The following UBXN2A variants were observed in gnomAD, a reference collection of about 807,000 sequenced individuals.
UBXN2A encodes the protein UBX domain-containing protein 2A.
A neutral mutation model predicts 28.4 loss-of-function variants in UBXN2A; 28 were observed. The observed-to-expected ratio is 0.99, with a 90% CI of 0.73 to 1.35. The LOEUF (loss-of-function observed/expected upper bound fraction) is 1.35, where lower values mean the gene tolerates loss of function less well. Ranked by LOEUF, UBXN2A falls within the 40% of genes most tolerant of loss-of-function variation. UBXN2A has a pLI of 0.00. For missense variants in UBXN2A, 253 were observed against 297.9 expected (o/e 0.85, Z 1.11); for synonymous variants, 97 against 103.6 (o/e 0.94, Z 0.39).
intron 6 of UBXN2A, among the ~76,000 whole-genome samples, chr2:23,996,521 G>C (rs1708539470): frequency 6.8e-6 from 1 of 146,868 alleles, no homozygotes; most frequent in Non-Finnish European, 1.5e-5. Flanking sequence ...TTGTTGCCCA[G>C]GCTGGAGTGC....
At chr2:23,946,015 A>C (rs1706060002) in intron 1 of UBXN2A, among the ~76,000 whole-genome samples, 1 of 151,846 alleles carries the variant, frequency 6.6e-6, no homozygotes, top group Non-Finnish European at 1.5e-5. Flanking sequence ...TATTTTTAGT[A>C]GGCACAGGGT....
chr2:23,952,807 G>A (rs1262996562), intron 1 of UBXN2A, among the ~76,000 whole-genome samples: 1 of 152,008 alleles, frequency 6.6e-6, no homozygotes, highest in Non-Finnish European at 1.5e-5. Context: ...TGGCACTTCT[G>A]GCCTCAAACA....
intron 2 of UBXN2A, 137 bp from the exon 3 acceptor site, chr2:23,971,139 T>C (rs764347990): frequency 9.1e-5 from 86 of 947,564 alleles, no homozygotes; most frequent in Non-Finnish European, 1.2e-4. Flanking sequence ...TTCCCCAAGG[T>C]TATATTAACT....
At chr2:23,940,010 T>C (rs1458102184), upstream of UBXN2A, among the ~76,000 whole-genome samples, 4 of 149,494 alleles carry the variant, frequency 2.7e-5, no homozygotes, top group African/African-American at 9.9e-5. Context: ...CTCCGGAGGC[T>C]GAGGCAGGAG....
intron 4 of UBXN2A, among the ~76,000 whole-genome samples, chr2:23,981,023 C>T (rs779169495): frequency 3.3e-5 from 5 of 151,862 alleles, no homozygotes; most frequent in East Asian, 1.9e-4. Context: ...ACATGATTTG[C>T]GAATATTTTC....
At chr2:23,996,936 C>CCTGGTT (rs1708561291) in intron 6 of UBXN2A, 1 of 152,172 alleles carries the variant, frequency 6.6e-6, no homozygotes, top group Non-Finnish European at 1.5e-5. Flanking sequence ...GAACCTCTTT[C>CCTGGTT]ACCTGGAGTT....
At chr2:23,939,803 G>C (rs1003685274), upstream of UBXN2A, 1 of 152,718 alleles carries the variant, frequency 6.5e-6, no homozygotes, top group African/African-American at 2.4e-5. Context: ...GTTGCGTGTA[G>C]TAAGTCCTTT....
chr2:23,973,451 G>A (rs1346394362), intron 3 of UBXN2A, among the ~76,000 whole-genome samples: 2 of 150,782 alleles, frequency 1.3e-5, no homozygotes, highest in Admixed American at 1.3e-4. Flanking sequence ...CCATTCTCCT[G>A]CCTCAGCCTC....
At chr2:23,928,590 T>A (rs926515716) in intron 1 of UBXN2A, among the ~76,000 whole-genome samples, 3 of 149,998 alleles carry the variant, frequency 2.0e-5, no homozygotes, top group Non-Finnish European at 3.0e-5. Context: ...AAAAAAAAAA[T>A]AAAATTCACA....
upstream of UBXN2A, among the ~76,000 whole-genome samples, chr2:23,936,559 G>C (rs1175545082): frequency 5.3e-5 from 8 of 151,570 alleles, no homozygotes; most frequent in Admixed American, 5.3e-4. Flanking sequence ...AAAAAAAAGA[G>C]AGAAAGAAAG....
At chr2:23,965,599 A>G (rs183684450) in intron 2 of UBXN2A, among the ~76,000 whole-genome samples, 1 of 152,132 alleles carries the variant, frequency 6.6e-6, no homozygotes, top group Non-Finnish European at 1.5e-5. Flanking sequence ...TTTTTTATAT[A>G]CATTGTTGTA....
chr2:23,944,490 A>C, intron 1 of UBXN2A: 1 of 636,238 alleles, frequency 1.6e-6, no homozygotes, highest in South Asian at 1.6e-5. Flanking sequence ...CCCTTGGAAC[A>C]GTACAGTACC....
At chr2:23,964,216 C>CT (rs993941618) in intron 2 of UBXN2A, among the ~76,000 whole-genome samples, 40 of 138,248 alleles carry the variant, frequency 2.9e-4, no homozygotes, top group African/African-American at 6.9e-4. Context: ...TTATCCAATC[C>CT]TTTTTTTTTT....
intron 1 of UBXN2A, chr2:23,944,362 T>C: frequency 1.3e-6 from 2 of 1,505,940 alleles, no homozygotes; most frequent in African/African-American, 1.4e-5. Context: ...AGAACTGAGG[T>C]GACCAGCATC....
At chr2:23,957,690 C>T (rs909765045) in intron 1 of UBXN2A, among the ~76,000 whole-genome samples, 5 of 151,994 alleles carry the variant, frequency 3.3e-5, no homozygotes, top group Admixed American at 3.3e-4. Context: ...AAAAATTAGC[C>T]GGGTGTGGTG....
At chr2:23,949,770 G>A (rs1186345077) in intron 1 of UBXN2A, among the ~76,000 whole-genome samples, 3 of 151,780 alleles carry the variant, frequency 2.0e-5, no homozygotes, top group African/African-American at 7.3e-5. Flanking sequence ...AGCTACTTGG[G>A]AGGCTGAGGC....
At chr2:23,935,387 A>G (rs1705493337) in intron 1 of UBXN2A, among the ~76,000 whole-genome samples, 1 of 149,942 alleles carries the variant, frequency 6.7e-6, no homozygotes, top group Non-Finnish European at 1.5e-5. Context: ...CTGTAACTCA[A>G]CAACAACAAC....
intron 4 of UBXN2A, among the ~76,000 whole-genome samples, chr2:23,980,917 G>A (rs931665633): frequency 4.6e-5 from 7 of 152,016 alleles, no homozygotes; most frequent in Admixed American, 2.6e-4. Context: ...ATGAGCCACC[G>A]TGCTCAGCCT....
At chr2:23,974,651 C>T (rs749214617) in intron 3 of UBXN2A, among the ~76,000 whole-genome samples, 12 of 152,130 alleles carry the variant, frequency 7.9e-5, no homozygotes, top group Non-Finnish European at 1.5e-4. Context: ...TGGCCTTAAC[C>T]AACTTTTTAA....
Sources: allele counts gnomAD v4.1 joint callset (sites outside exome capture counted in the v4.1 genomes callset), GRCh38; gene constraint gnomAD v4.1.1; transcripts MANE v1.5; gene names NCBI Gene and HGNC (gene_info 2026-07-23, HGNC 2026-07-21).